The following EPHB1 variants were observed in gnomAD, a reference collection of about 807,000 sequenced individuals.
The protein encoded by EPHB1 is EPH receptor B1, also known as ephrin type-B receptor 1.
EPHB1 carries 30 observed loss-of-function variants against 94.4 expected under a neutral mutation model. The observed-to-expected ratio is 0.32, with a 90% confidence interval of 0.24 to 0.43. The LOEUF (loss-of-function observed/expected upper bound fraction) is 0.43, where lower values mean the gene tolerates loss of function less well. Ranked by LOEUF, EPHB1 falls within the 20% of genes least tolerant of loss-of-function variation. The pLI is 1.00. For missense variants in EPHB1, 1,055 were observed against 1,308.3 expected, an observed-to-expected ratio of 0.81 and a Z score of 2.99; for synonymous variants, 522 against 489.1, an observed-to-expected ratio of 1.07 and a Z score of -0.89.
intron 3 of EPHB1, among the ~76,000 whole-genome samples, chr3:135,079,555 G>A (rs2107786215): frequency 6.6e-6 from 1 of 152,242 alleles, no homozygotes; most frequent in East Asian, 1.9e-4. Flanking sequence ...TTGGGAGTAG[G>A]CCTCCATAAG....
chr3:135,224,446 G>A (rs1487120293), intron 12 of EPHB1, among the ~76,000 whole-genome samples: 1 of 152,018 alleles, frequency 6.6e-6, no homozygotes, highest in Non-Finnish European at 1.5e-5. Context: ...ATTATATTTT[G>A]AAACACCTGA....
chr3:134,812,812 C>T (rs1197180827), intron 1 of EPHB1, among the ~76,000 whole-genome samples: 1 of 152,174 alleles, frequency 6.6e-6, no homozygotes, highest in Non-Finnish European at 1.5e-5. Flanking sequence ...GTGGGTGTCT[C>T]ATGGCATCTC....
chr3:134,879,946 C>T (rs767001328), intron 1 of EPHB1, among the ~76,000 whole-genome samples: 37 of 152,318 alleles, frequency 2.4e-4, no homozygotes, highest in South Asian at 1.5e-3. Flanking sequence ...GAGGATGTCT[C>T]AGACTTAAAG....
chr3:134,812,069 C>T (rs1007353948), intron 1 of EPHB1, among the ~76,000 whole-genome samples: 1 of 152,160 alleles, frequency 6.6e-6, no homozygotes, highest in Non-Finnish European at 1.5e-5. Flanking sequence ...GAATGTCTGC[C>T]CTGACTTCAA....
chr3:135,235,891 G>A (rs956944292), intron 12 of EPHB1, among the ~76,000 whole-genome samples: 3 of 152,140 alleles, frequency 2.0e-5, no homozygotes, highest in Non-Finnish European at 4.4e-5. Context: ...GAGGGGCCCT[G>A]TGGTTAATCG....
intron 1 of EPHB1, 97 bp downstream of exon 1, chr3:134,795,786 G>A (rs1157051955): frequency 6.7e-6 from 9 of 1,338,202 alleles, no homozygotes; most frequent in Non-Finnish European, 8.5e-6. Flanking sequence ...CTGCTTTGCG[G>A]TGCAGGCATC....
At chr3:135,138,067 G>A (rs1346630050) in intron 5 of EPHB1, among the ~76,000 whole-genome samples, 4 of 152,198 alleles carry the variant, frequency 2.6e-5, no homozygotes, top group Admixed American at 2.0e-4. Flanking sequence ...TTGTGTATTT[G>A]AAGAAGCAAC....
intron 15 of EPHB1, among the ~76,000 whole-genome samples, chr3:135,257,037 G>A (rs1282833733): frequency 3.5e-5 from 5 of 143,382 alleles, no homozygotes; most frequent in Non-Finnish European, 6.0e-5. Flanking sequence ...CATTCTTCAC[G>A]TAGTTCTCGA....
chr3:135,133,005 TC>T lies in EPHB1; in HGVS notation c.1259del (p.Pro420HisfsTer28). 1.9e-6 allele frequency: 3 copies of T among 1,606,798 alleles called. No homozygotes were observed. The highest frequency in any genetic ancestry group is 1.3e-5 in the African/African-American group (1 of 74,850). On this transcript the variant is annotated frameshift_variant, in exon 5 of 16. Coordinates refer to ENST00000398015, the MANE Select transcript of EPHB1 (RefSeq NM_004441.5). LOFTEE classifies it high-confidence loss of function. ...AATGGAGTCTCCAGCAAGAGTCCCT[TC>T]CCCCCACAGCACGTCTCTGTCAACA... is the stretch of plus-strand genomic sequence containing the variant. ...AINGVSSKSPFPPQHVSVNIT... is the reference protein window; with the variant it reads ...AINGVSSKSPXPPQHVSVNIT...
At chr3:134,918,242 G>A (rs2038611765) in intron 1 of EPHB1, among the ~76,000 whole-genome samples, 1 of 152,118 alleles carries the variant, frequency 6.6e-6, no homozygotes, top group Non-Finnish European at 1.5e-5. Context: ...GTGTGTAGAG[G>A]GGAGGAGGAA....
chr3:134,806,598 G>T (rs2036046201), intron 1 of EPHB1, among the ~76,000 whole-genome samples: 1 of 152,164 alleles, frequency 6.6e-6, no homozygotes, highest in African/African-American at 2.4e-5. Context: ...TTTGGGGTTG[G>T]AACAATTAAT....
chr3:134,962,141 A>G (rs1933543112), intron 3 of EPHB1, among the ~76,000 whole-genome samples: 1 of 152,228 alleles, frequency 6.6e-6, no homozygotes, highest in African/African-American at 2.4e-5. Flanking sequence ...TTGCCAAGAT[A>G]ATAAAATATC....
chr3:134,868,028 G>T (rs1021507955), intron 1 of EPHB1, among the ~76,000 whole-genome samples: 1 of 152,192 alleles, frequency 6.6e-6, no homozygotes, highest in Admixed American at 6.5e-5. Context: ...TGATTCCACC[G>T]CAGCCATGGA....
chr3:135,118,007 A>T (rs1274988653), intron 4 of EPHB1, among the ~76,000 whole-genome samples: 1 of 152,120 alleles, frequency 6.6e-6, no homozygotes, highest in Non-Finnish European at 1.5e-5. Flanking sequence ...CCCTGCCAGT[A>T]CTCCATGAGC....
intron 12 of EPHB1, among the ~76,000 whole-genome samples, chr3:135,211,486 T>G (rs563571746): frequency 6.6e-6 from 1 of 152,254 alleles, no homozygotes; most frequent in Admixed American, 6.5e-5. Flanking sequence ...TCTCTGGCAA[T>G]GCATTTCTTA....
intron 3 of EPHB1, among the ~76,000 whole-genome samples, chr3:134,972,365 A>G (rs1371467463): frequency 1.8e-5 from 2 of 111,376 alleles, no homozygotes; most frequent in Non-Finnish European, 4.2e-5. Flanking sequence ...ATACGTGTTT[A>G]TATATAAAAT....
chr3:135,242,378 G>A (rs891337954), intron 13 of EPHB1, among the ~76,000 whole-genome samples: 1 of 152,162 alleles, frequency 6.6e-6, no homozygotes, highest in Non-Finnish European at 1.5e-5. Flanking sequence ...TCTGTGCTAG[G>A]GTGGACACTG....
chr3:134,903,109 T>C (rs547424640), intron 1 of EPHB1, among the ~76,000 whole-genome samples: 2 of 152,218 alleles, frequency 1.3e-5, no homozygotes, highest in African/African-American at 2.4e-5. Context: ...ATATTCGGTA[T>C]TACTAAAACT....
intron 3 of EPHB1, chr3:134,977,982 G>A: frequency 2.2e-6 from 1 of 456,034 alleles, no homozygotes; most frequent in Non-Finnish European, 4.4e-6. Context: ...GGCCTTTTTG[G>A]AGGATCCTTA....
Sources: allele counts gnomAD v4.1 joint callset (sites outside exome capture counted in the v4.1 genomes callset), GRCh38; gene constraint gnomAD v4.1.1; transcripts MANE v1.5; gene names NCBI Gene and HGNC (gene_info 2026-07-23, HGNC 2026-07-21).